Variants in CEP83 observed in about 807,000 individuals in gnomAD.
The protein encoded by CEP83 is centrosomal protein of 83 kDa.
A neutral mutation model predicts 101.9 loss-of-function variants in CEP83; 70 were observed. The ratio of observed to expected loss-of-function variants is 0.69; its 90% CI spans 0.57 to 0.84. The LOEUF (loss-of-function observed/expected upper bound fraction) is 0.84. Among genes scored for constraint, CEP83 ranks in the 40% least tolerant of loss-of-function variants. CEP83 has a pLI of 0.00. For synonymous variants in CEP83, 264 were observed against 267.9 expected (o/e 0.99, Z 0.14); for missense variants, 715 against 787.2 (o/e 0.91, Z 1.10).
At chr12:94,361,611 C>G (rs969331510) in intron 11 of CEP83, 2 of 152,064 alleles carry the variant, frequency 1.3e-5, no homozygotes, top group Admixed American at 6.6e-5. Context: ...TAAATGAGAT[C>G]GTATCAAACC....
At chr12:94,335,224 A>G (rs2059400111) in intron 12 of CEP83, among the ~76,000 whole-genome samples, 1 of 152,186 alleles carries the variant, frequency 6.6e-6, no homozygotes, top group Non-Finnish European at 1.5e-5. Context: ...ACCTCATGAT[A>G]TAAAGTTACA....
At chr12:94,450,627 T>A (rs2067181489) in intron 1 of CEP83, among the ~76,000 whole-genome samples, 1 of 152,184 alleles carries the variant, frequency 6.6e-6, no homozygotes, top group South Asian at 2.1e-4. Flanking sequence ...GCATCAAAAT[T>A]ATAACAGTCT....
chr12:94,356,653 A>C (rs1402966662), intron 11 of CEP83, among the ~76,000 whole-genome samples: 1 of 152,232 alleles, frequency 6.6e-6, no homozygotes, highest in Non-Finnish European at 1.5e-5. Context: ...TTAAAGAACT[A>C]AAACAAGCAA....
At chr12:94,289,195 T>G in the CEP83 span, among the ~76,000 whole-genome samples, 1 of 152,218 alleles carries the variant, frequency 6.6e-6, no homozygotes, top group African/African-American at 2.4e-5. Flanking sequence ...GGAGGATGTG[T>G]AGCTCCTGTT....
intron 2 of CEP83, among the ~76,000 whole-genome samples, chr12:94,429,968 C>A (rs1335763938): frequency 6.6e-6 from 1 of 152,234 alleles, no homozygotes; most frequent in Non-Finnish European, 1.5e-5. Flanking sequence ...AGCACAGACA[C>A]TGCCTCTCAC....
chr12:94,329,789 G>A (rs1017818154), intron 14 of CEP83, among the ~76,000 whole-genome samples: 3 of 152,076 alleles, frequency 2.0e-5, no homozygotes, highest in Non-Finnish European at 4.4e-5. Flanking sequence ...TACCTACATC[G>A]ACAGAAAGGA....
chr12:94,426,192 G>A (rs779727071), intron 2 of CEP83, among the ~76,000 whole-genome samples: 10 of 151,522 alleles, frequency 6.6e-5, no homozygotes, highest in Non-Finnish European at 1.3e-4. Flanking sequence ...TTAGCTTCCT[G>A]AGCACATACT....
At chr12:94,380,460 TCTC>T (rs908555278) in intron 6 of CEP83, among the ~76,000 whole-genome samples, 9 of 152,186 alleles carry the variant, frequency 5.9e-5, no homozygotes, top group African/African-American at 2.2e-4. Flanking sequence ...TTAGTATTTC[TCTC>T]CTATTTTTCC....
chr12:94,322,667 G>T (rs1021244904), intron 14 of CEP83, among the ~76,000 whole-genome samples: 7 of 152,226 alleles, frequency 4.6e-5, no homozygotes, highest in African/African-American at 1.7e-4. Flanking sequence ...GAGGAGAAAT[G>T]AGATCCAGGA....
chr12:94,350,566 A>G (rs1003156986), intron 11 of CEP83, among the ~76,000 whole-genome samples: 2 of 152,164 alleles, frequency 1.3e-5, no homozygotes, highest in East Asian at 3.8e-4. Context: ...ATTTGATTTG[A>G]TAATGATTTC....
intron 14 of CEP83, chr12:94,328,432 C>T (rs1467813821): frequency 6.4e-6 from 1 of 155,318 alleles, no homozygotes; most frequent in African/African-American, 2.4e-5. Flanking sequence ...GGCAGCGAGC[C>T]ATCTTACCCA....
rs2137661743 is a variant in CEP83, at chr12:94,405,650, A to G, written c.325-2388T>C. ...AAACAAAAGAACAGACAAAAATTAA[A>G]CAGTTTGCAAGACACTAGACATAAG... On this transcript the variant is annotated intron_variant, in intron 4 of 16. Transcript: ENST00000397809. 2.6e-5 allele frequency among the ~76,000 whole-genome samples: 4 copies of G among 152,320 alleles called. No homozygotes were observed. The South Asian group carries it at 8.3e-4, about 32-fold the overall frequency.
chr12:94,299,567 CT>C, the CEP83 span, among the ~76,000 whole-genome samples: 38,176 of 151,362 alleles, frequency 0.25, 4,917 homozygotes, highest in Admixed American at 0.3. Flanking sequence ...GTTCTAGCCT[CT>C]TTTTTTTTGA....
At chr12:94,367,259 G>A (rs1340798993) in intron 11 of CEP83, among the ~76,000 whole-genome samples, 3 of 152,086 alleles carry the variant, frequency 2.0e-5, no homozygotes, top group African/African-American at 4.8e-5. Context: ...GGAAAAAATA[G>A]TAATTTTATA....
the CEP83 span, chr12:94,277,975 A>T: frequency 1.1e-5 from 5 of 455,972 alleles, no homozygotes; most frequent in East Asian, 3.5e-4. Flanking sequence ...TAGGCAAATC[A>T]GACATTGCCT....
At chr12:94,337,542 G>A (rs2059502030) in intron 11 of CEP83, among the ~76,000 whole-genome samples, 1 of 152,180 alleles carries the variant, frequency 6.6e-6, no homozygotes, top group South Asian at 2.1e-4. Context: ...AGACAGTGCT[G>A]TAAATTTAGG....
At chr12:94,458,736 A>G (rs530624474) in intron 1 of CEP83, among the ~76,000 whole-genome samples, 54 of 152,250 alleles carry the variant, frequency 3.5e-4, no homozygotes, top group African/African-American at 1.3e-3. Flanking sequence ...AGACTCAGTC[A>G]TAAATAAATA....
chr12:94,281,143 G>A, the CEP83 span, among the ~76,000 whole-genome samples: 1 of 152,210 alleles, frequency 6.6e-6, no homozygotes, highest in African/African-American at 2.4e-5. Context: ...GCCAGGCATG[G>A]TGGTGCACAC....
chr12:94,444,058 ACT>A (rs796548902), intron 1 of CEP83, among the ~76,000 whole-genome samples: 8 of 152,276 alleles, frequency 5.3e-5, no homozygotes, highest in African/African-American at 1.7e-4. Context: ...CACCAAGAAC[ACT>A]GTTTGCTAAC....
Sources: allele counts gnomAD v4.1 joint callset (sites outside exome capture counted in the v4.1 genomes callset), GRCh38; gene constraint gnomAD v4.1.1; transcripts MANE v1.5; gene names NCBI Gene and HGNC (gene_info 2026-07-23, HGNC 2026-07-21).